Variants in RGS7 observed in about 807,000 individuals in gnomAD.
The protein encoded by RGS7 is regulator of G protein signaling 7.
Under a neutral mutation model 81.1 loss-of-function variants are expected in RGS7, and 27 were observed. The observed-to-expected ratio is 0.33, with a 90% CI of 0.25 to 0.46. RGS7 has a LOEUF of 0.46. Among genes scored for constraint, RGS7 ranks in the 20% least tolerant of loss-of-function variants. The probability of loss-of-function intolerance (pLI) is 1.00; values close to 1 mark genes in which losing one functional copy is unlikely to be tolerated. For missense variants in RGS7, 396 were observed against 607.4 expected (o/e 0.65, Z 3.66); for synonymous variants, 208 against 207.7 (o/e 1.00, Z -0.01).
chr1:240,963,395 A>T (rs1681778653), intron 4 of RGS7, among the ~76,000 whole-genome samples: 1 of 152,190 alleles, frequency 6.6e-6, no homozygotes. Flanking sequence ...AAGAGCCAAG[A>T]AATAAGAAAT....
At chr1:241,135,251 C>T (rs1016902425) in intron 2 of RGS7, among the ~76,000 whole-genome samples, 3 of 152,102 alleles carry the variant, frequency 2.0e-5, no homozygotes, top group African/African-American at 4.8e-5. Context: ...ACGGTGAAAC[C>T]CTGTCTCTAC....
intron 10 of RGS7, chr1:240,823,144 A>T (rs1377995127): frequency 4.3e-6 from 5 of 1,166,020 alleles, no homozygotes; most frequent in Non-Finnish European, 6.4e-6. Flanking sequence ...AACAATGGCC[A>T]CATTGGGGAT....
chr1:241,123,764 GAA>G (rs2066457969), intron 2 of RGS7, among the ~76,000 whole-genome samples: 1 of 151,998 alleles, frequency 6.6e-6, no homozygotes, highest in Non-Finnish European at 1.5e-5. Context: ...AAAAAGAAAA[GAA>G]AAGAGAACAT....
At chr1:241,208,194 G>A (rs766437056) in intron 2 of RGS7, among the ~76,000 whole-genome samples, 6 of 152,112 alleles carry the variant, frequency 3.9e-5, no homozygotes, top group Non-Finnish European at 8.8e-5. Flanking sequence ...GTGAGCCACC[G>A]CGCCTGGACC....
intron 2 of RGS7, among the ~76,000 whole-genome samples, chr1:241,288,509 T>G (rs956645059): frequency 1.3e-5 from 2 of 152,110 alleles, no homozygotes; most frequent in African/African-American, 4.8e-5. Context: ...CACCCAAATC[T>G]GATAAATGTG....
At chr1:241,042,661 C>A (rs566172736) in intron 3 of RGS7, among the ~76,000 whole-genome samples, 1 of 152,118 alleles carries the variant, frequency 6.6e-6, no homozygotes, top group African/African-American at 2.4e-5. Flanking sequence ...CGGGCTTGGC[C>A]GGGCGTAGTG....
At chr1:241,071,510 T>C (rs1572548677) in intron 3 of RGS7, among the ~76,000 whole-genome samples, 1 of 136,638 alleles carries the variant, frequency 7.3e-6, no homozygotes, top group African/African-American at 2.7e-5. Context: ...TTTTTTTTTT[T>C]TGTATTTACT....
chr1:240,843,258 T>C (rs1658441380), intron 9 of RGS7, among the ~76,000 whole-genome samples: 1 of 151,934 alleles, frequency 6.6e-6, no homozygotes, highest in Non-Finnish European at 1.5e-5. Context: ...AGGACAAATA[T>C]CTTTTTTTCT....
At chr1:240,838,183 T>C (rs547870324) in intron 9 of RGS7, among the ~76,000 whole-genome samples, 2 of 152,338 alleles carry the variant, frequency 1.3e-5, no homozygotes, top group East Asian at 1.9e-4. Context: ...GATTTTGTGT[T>C]GGGTGAGGGT....
At chr1:240,991,068 T>G (rs1184867535) in intron 3 of RGS7, among the ~76,000 whole-genome samples, 1 of 152,210 alleles carries the variant, frequency 6.6e-6, no homozygotes, top group Non-Finnish European at 1.5e-5. Flanking sequence ...TAATTACTAC[T>G]ACTGTGTTCT....
At chr1:240,839,598 T>C (rs1256151283) in intron 9 of RGS7, among the ~76,000 whole-genome samples, 1 of 152,104 alleles carries the variant, frequency 6.6e-6, no homozygotes, top group African/African-American at 2.4e-5. Flanking sequence ...GAGGATGGCA[T>C]ACTGAGAGCT....
chr1:241,117,397 G>A (rs768073292), intron 2 of RGS7, among the ~76,000 whole-genome samples: 5 of 152,116 alleles, frequency 3.3e-5, no homozygotes, highest in African/African-American at 4.8e-5. Context: ...TGAAATAAAC[G>A]TTTAGTGATT....
At chr1:241,231,115 A>G (rs1231079752) in intron 2 of RGS7, among the ~76,000 whole-genome samples, 1 of 152,082 alleles carries the variant, frequency 6.6e-6, no homozygotes, top group Non-Finnish European at 1.5e-5. Context: ...CTTTGATGAA[A>G]CTAGATCTGA....
At chr1:240,889,872 A>G (rs1350732174) in intron 6 of RGS7, among the ~76,000 whole-genome samples, 1 of 152,108 alleles carries the variant, frequency 6.6e-6, no homozygotes, top group Non-Finnish European at 1.5e-5. Flanking sequence ...CCCCTCCTCC[A>G]TCGCATGCGC....
chr1:241,300,154 C>T (rs1338895296), intron 2 of RGS7, among the ~76,000 whole-genome samples: 2 of 151,816 alleles, frequency 1.3e-5, no homozygotes, highest in African/African-American at 4.8e-5. Context: ...TTTAGGTTCA[C>T]AGCAAAATTA....
intron 4 of RGS7, among the ~76,000 whole-genome samples, chr1:240,970,305 A>G (rs1033793725): frequency 6.6e-6 from 1 of 152,246 alleles, no homozygotes; most frequent in Admixed American, 6.5e-5. Context: ...CTACTTTGGC[A>G]ATGAAAACTT....
chr1:241,221,691 A>G (rs758050467), intron 2 of RGS7, among the ~76,000 whole-genome samples: 1 of 152,212 alleles, frequency 6.6e-6, no homozygotes, highest in South Asian at 2.1e-4. Context: ...GCCTCATCCA[A>G]TCAGTTAAAG....
chr1:241,184,590 T>C (rs955554092), intron 2 of RGS7, among the ~76,000 whole-genome samples: 7 of 152,224 alleles, frequency 4.6e-5, no homozygotes, highest in African/African-American at 1.4e-4. Context: ...ACACAAACTT[T>C]GTTTCATAAG....
rs1439992745 is a variant in RGS7, at chr1:240,837,420, C to G, written c.610-10248G>C. Among the ~76,000 whole-genome samples, 8 of 152,184 alleles carry G rather than the reference C, an allele frequency of 5.3e-5. No individual in the cohort carries two copies. The East Asian group carries it at 1.5e-3, about 29-fold the overall frequency. On this transcript the variant is annotated intron_variant, in intron 9 of 18. Coordinates refer to ENST00000440928, the MANE Select transcript of RGS7 (RefSeq NM_001364886.1). ...AGATTTGAGACTGAACATGTGTGCTCCAACTTGTTCTATATCCTGGGTTGG... is the reference window on the plus strand; with the variant it reads ...AGATTTGAGACTGAACATGTGTGCTGCAACTTGTTCTATATCCTGGGTTGG...
Sources: gnomAD v4.1 joint callset for allele counts (sites outside exome capture counted in the v4.1 genomes callset) on GRCh38, gnomAD v4.1.1 for gene constraint, MANE v1.5 for transcripts, NCBI Gene and HGNC (gene_info 2026-07-23, HGNC 2026-07-21) for gene names.